The following MYT1L variants were observed in gnomAD, a reference collection of about 807,000 sequenced individuals.
The protein encoded by MYT1L is myelin transcription factor 1-like protein.
MYT1L carries 12 observed loss-of-function variants against 126.7 expected under a neutral mutation model. The ratio of observed to expected loss-of-function variants is 0.09; its 90% CI spans 0.06 to 0.15. The LOEUF is 0.15. MYT1L is among the 10% of genes least tolerant of loss of function. The probability of loss-of-function intolerance (pLI) is 1.00; values close to 1 mark genes in which losing one functional copy is unlikely to be tolerated. For missense variants in MYT1L, 979 were observed against 1,585.2 expected (o/e 0.62, Z 6.49); for synonymous variants, 541 against 604.2 (o/e 0.90, Z 1.53).
chr2:2,289,221 CCT>C (rs548451501), intron 1 of MYT1L, among the ~76,000 whole-genome samples: 1 of 152,096 alleles, frequency 6.6e-6, no homozygotes, highest in Non-Finnish European at 1.5e-5. Flanking sequence ...GTGGGAATAC[CCT>C]CTGTTAATCA....
At chr2:1,904,711 G>C (rs2050801137) in intron 13 of MYT1L, among the ~76,000 whole-genome samples, 1 of 151,446 alleles carries the variant, frequency 6.6e-6, no homozygotes, top group Non-Finnish European at 1.5e-5. Flanking sequence ...AGTCTCATCT[G>C]CCATCTTTGT....
chr2:1,939,488 G>A (rs189577943), intron 9 of MYT1L, among the ~76,000 whole-genome samples: 5 of 152,182 alleles, frequency 3.3e-5, no homozygotes, highest in Admixed American at 6.5e-5. Flanking sequence ...CCGTACTTAC[G>A]CTGCACATCT....
chr2:1,932,478 T>G (rs1451051006), intron 9 of MYT1L, among the ~76,000 whole-genome samples: 1 of 152,214 alleles, frequency 6.6e-6, no homozygotes, highest in African/African-American at 2.4e-5. Flanking sequence ...CAGCTGTTTA[T>G]TGTCACACTT....
intron 3 of MYT1L, among the ~76,000 whole-genome samples, chr2:2,127,067 C>A (rs2081804639): frequency 6.6e-6 from 1 of 152,198 alleles, no homozygotes; most frequent in Non-Finnish European, 1.5e-5. Context: ...AGTCAACCCA[C>A]CTTTAAATTC....
At chr2:2,124,902 C>T (rs77129094) in intron 3 of MYT1L, among the ~76,000 whole-genome samples, 5,397 of 152,274 alleles carry the variant, frequency 0.035, 126 homozygotes, top group South Asian at 0.089. Context: ...CTCCCAGCCA[C>T]GGTTTCACAT....
intron 8 of MYT1L, among the ~76,000 whole-genome samples, chr2:1,977,262 G>A (rs528879815): frequency 2.0e-5 from 3 of 152,262 alleles, no homozygotes; most frequent in African/African-American, 4.8e-5. Context: ...GTTTCCGAAG[G>A]AAGAAAAAGC....
chr2:2,239,888 G>A (rs1434821456), intron 2 of MYT1L, among the ~76,000 whole-genome samples: 4 of 152,130 alleles, frequency 2.6e-5, no homozygotes, highest in African/African-American at 2.4e-5. Context: ...CTCTGCCCCC[G>A]GGTCCCCTTG....
chr2:1,967,080 C>T (rs11884003), intron 8 of MYT1L, among the ~76,000 whole-genome samples: 7,761 of 152,192 alleles, frequency 0.051, 226 homozygotes, highest in African/African-American at 0.073. Context: ...ATTGTGACAA[C>T]AGATACTAAT....
chr2:1,826,745 G>C (rs2039408102), intron 21 of MYT1L, among the ~76,000 whole-genome samples: 1 of 151,908 alleles, frequency 6.6e-6, no homozygotes. Flanking sequence ...GCAGAGCAGG[G>C]AGCTGACTCC....
rs2048587633 is a variant in MYT1L, at chr2:1,889,615, A to G, written c.2284-138T>C. On this transcript the variant is annotated intron_variant, in intron 15 of 24. Transcript: ENST00000647738. The surrounding 1 kb of genome is among the most constrained non-coding windows in gnomAD (Gnocchi z 4.1). ...TCCCTCGCTGCTGTTTCCTTGGCCTAAACTCCCAAGGCGGACAGGCCTTGT... is the reference window on the plus strand; with the variant it reads ...TCCCTCGCTGCTGTTTCCTTGGCCTGAACTCCCAAGGCGGACAGGCCTTGT... 1.5e-6 allele frequency: 1 copy of G among 655,334 alleles called. No homozygotes were observed. The highest frequency in any genetic ancestry group is 2.4e-6 in the Non-Finnish European group (1 of 411,864). 40.6% of individuals were successfully genotyped at this position (655,334 alleles called of 1,614,324 possible).
chr2:1,965,437 G>A (rs1286467875), intron 8 of MYT1L, among the ~76,000 whole-genome samples: 1 of 150,408 alleles, frequency 6.6e-6, no homozygotes, highest in Non-Finnish European at 1.5e-5. Context: ...GGACCAGGCA[G>A]GGAAGAGGAG....
intron 9 of MYT1L, among the ~76,000 whole-genome samples, chr2:1,935,746 G>C (rs2055792550): frequency 6.6e-6 from 1 of 152,146 alleles, no homozygotes; most frequent in African/African-American, 2.4e-5. Context: ...GGATAAACCA[G>C]AACTTGGAAT....
At chr2:1,868,882 C>T (rs994223409) in intron 18 of MYT1L, among the ~76,000 whole-genome samples, 2 of 152,224 alleles carry the variant, frequency 1.3e-5, no homozygotes, top group African/African-American at 4.8e-5. Context: ...GGGAGATGCC[C>T]TCAGGTGTGG....
At chr2:1,867,257 G>A (rs540671829) in intron 18 of MYT1L, among the ~76,000 whole-genome samples, 4 of 152,002 alleles carry the variant, frequency 2.6e-5, no homozygotes, top group South Asian at 2.1e-4. Context: ...GATGAAGGGG[G>A]GCCTTGCTGG....
chr2:2,169,306 A>T (rs2089645434), intron 3 of MYT1L, among the ~76,000 whole-genome samples: 2 of 152,176 alleles, frequency 1.3e-5, no homozygotes, highest in Admixed American at 1.3e-4. Context: ...CCGCTCTCTC[A>T]ATCACCTCTT....
chr2:1,947,323 G>A (rs1301165605), intron 8 of MYT1L, among the ~76,000 whole-genome samples: 3 of 152,214 alleles, frequency 2.0e-5, no homozygotes, highest in African/African-American at 7.2e-5. Flanking sequence ...GAGGTTTAGA[G>A]GAGGGGAGTG....
intron 2 of MYT1L, among the ~76,000 whole-genome samples, chr2:2,229,558 C>T (rs1022161150): frequency 2.0e-5 from 3 of 152,068 alleles, no homozygotes; most frequent in African/African-American, 7.2e-5. Context: ...CCTCCCACCT[C>T]AGCCTCCTGA....
At chr2:2,162,222 T>G (rs2088091157) in intron 3 of MYT1L, among the ~76,000 whole-genome samples, 1 of 150,340 alleles carries the variant, frequency 6.7e-6, no homozygotes. Flanking sequence ...GGAAGTGGGG[T>G]GGGTAGGTAG....
chr2:2,175,492 T>C (rs1248688551), intron 2 of MYT1L, among the ~76,000 whole-genome samples: 1 of 151,968 alleles, frequency 6.6e-6, no homozygotes, highest in Non-Finnish European at 1.5e-5. Flanking sequence ...GGTTAAAAGA[T>C]GAGAGCTACA....
Sources: gnomAD v4.1 joint callset for allele counts (sites outside exome capture counted in the v4.1 genomes callset) on GRCh38, gnomAD v4.1.1 for gene constraint, Gnocchi (gnomAD v3.1) non-coding constraint, MANE v1.5 for transcripts, NCBI Gene and HGNC (gene_info 2026-07-23, HGNC 2026-07-21) for gene names.